Variants in PEPD observed in about 807,000 individuals in gnomAD.
PEPD encodes the protein peptidase D.
Under a neutral mutation model 60.7 loss-of-function variants are expected in PEPD, and 53 were observed. That is an observed-to-expected ratio of 0.87 (90% confidence interval 0.70 to 1.10). The LOEUF (loss-of-function observed/expected upper bound fraction) is 1.10, where lower values mean the gene tolerates loss of function less well. Among genes scored for constraint, PEPD ranks in the 50% least tolerant of loss-of-function variants. The pLI is 0.00. For missense variants in PEPD, 711 were observed against 711.9 expected (o/e 1.00, Z 0.01); for synonymous variants, 267 against 284.1 (o/e 0.94, Z 0.60).
At chr19:33,458,850 G>A (rs1336080129) in intron 9 of PEPD, among the ~76,000 whole-genome samples, 4 of 6,138 alleles carry the variant, frequency 6.5e-4, no homozygotes, top group Admixed American at 1.6e-3. Flanking sequence ...GGTATGTGGT[G>A]TGTATGGTGT....
intron 5 of PEPD, 134 bp downstream of exon 5, chr19:33,493,156 G>A (rs536004870): frequency 1.3e-5 from 9 of 716,552 alleles, no homozygotes; most frequent in Non-Finnish European, 2.0e-5. Flanking sequence ...GATAACAGGC[G>A]TGAGCCCCTG....
intron 11 of PEPD, among the ~76,000 whole-genome samples, chr19:33,409,322 T>C (rs1215295884): frequency 3.3e-5 from 5 of 152,230 alleles, no homozygotes; most frequent in Non-Finnish European, 7.3e-5. Context: ...TGGGTTCCCA[T>C]GTCCTGTCCT....
intron 3 of PEPD, among the ~76,000 whole-genome samples, chr19:33,503,209 G>A (rs1334268508): frequency 1.3e-5 from 2 of 152,158 alleles, no homozygotes; most frequent in Non-Finnish European, 2.9e-5. Context: ...CAGGGCCCAG[G>A]GACGGCTGCA....
chr19:33,454,499 G>A (rs1375957854), intron 9 of PEPD, among the ~76,000 whole-genome samples: 1 of 151,970 alleles, frequency 6.6e-6, no homozygotes, highest in Non-Finnish European at 1.5e-5. Context: ...CTACTCGAGC[G>A]GCTGAAGCAG....
intron 3 of PEPD, among the ~76,000 whole-genome samples, chr19:33,504,485 C>T (rs66761979): frequency 0.12 from 18,853 of 152,258 alleles, 1,564 homozygotes; most frequent in Non-Finnish European, 0.19. Context: ...GACTGGAGGC[C>T]GGGCACCGTG....
chr19:33,491,716 A>G (rs1365077467), intron 5 of PEPD, among the ~76,000 whole-genome samples: 1 of 152,168 alleles, frequency 6.6e-6, no homozygotes, highest in Non-Finnish European at 1.5e-5. Flanking sequence ...AAAGAGGCAA[A>G]GGTAGAGGGG....
In PEPD at chr19:33,463,055, A is replaced by G; in HGVS notation, c.625-14T>C. 6.5e-7 allele frequency: 1 copy of G among 1,543,586 alleles called. No individual in the cohort carries two copies. The highest frequency in any genetic ancestry group is 9.0e-7 in the Non-Finnish European group (1 of 1,115,710). The stretch of plus-strand genomic sequence containing the variant: ...AGCCTTCATTACCTGGAGGACGGAT[A>G]TTAAGCAAAGACATTTGTATTAAGC... On this transcript the variant is annotated splice_polypyrimidine_tract_variant and intron_variant, in intron 8 of 14. Coordinates refer to ENST00000244137, the MANE Select transcript of PEPD (RefSeq NM_000285.4).
At chr19:33,391,580 G>T in intron 12 of PEPD, 101 bp from the exon 13 acceptor site, 1 of 1,106,210 alleles carries the variant, frequency 9.0e-7, no homozygotes, top group South Asian at 1.3e-5. Context: ...GCTGTGGTGG[G>T]AGGGCCTGAG....
intron 9 of PEPD, among the ~76,000 whole-genome samples, chr19:33,437,615 C>T (rs1204330860): frequency 6.6e-6 from 1 of 152,136 alleles, no homozygotes; most frequent in Non-Finnish European, 1.5e-5. Flanking sequence ...TCTGCTGTCA[C>T]AATCGTTTAG....
At chr19:33,445,516 G>A (rs372179730) in intron 9 of PEPD, among the ~76,000 whole-genome samples, 11 of 152,194 alleles carry the variant, frequency 7.2e-5, no homozygotes, top group African/African-American at 2.2e-4. Context: ...CCAGGGATGC[G>A]TGCACACAGA....
At chr19:33,489,097 G>A (rs919131732) in intron 6 of PEPD, among the ~76,000 whole-genome samples, 6 of 152,098 alleles carry the variant, frequency 3.9e-5, no homozygotes, top group African/African-American at 1.4e-4. Flanking sequence ...AGGCTCTCCC[G>A]GGGGCTGTGG....
At chr19:33,448,155 C>T (rs1404938107) in intron 9 of PEPD, among the ~76,000 whole-genome samples, 32 of 152,232 alleles carry the variant, frequency 2.1e-4, no homozygotes, top group Admixed American at 2.1e-3. Flanking sequence ...GAGCGTCTTT[C>T]GCACCAGCAG....
At chr19:33,444,435 G>A (rs12978616) in intron 9 of PEPD, among the ~76,000 whole-genome samples, 6 of 151,998 alleles carry the variant, frequency 3.9e-5, no homozygotes, top group Non-Finnish European at 7.4e-5. Context: ...GCTGTGTCCC[G>A]GTAAGGGGCC....
chr19:33,408,408 C>T (rs990354417), intron 11 of PEPD, among the ~76,000 whole-genome samples: 7 of 152,250 alleles, frequency 4.6e-5, no homozygotes, highest in Non-Finnish European at 1.0e-4. Context: ...GAGAGGGAGG[C>T]AGGGGCTTAC....
At position 33,512,544 on chromosome 19, in the gene PEPD, GCAGCAC is replaced by G. The variant is rs760808068; in HGVS notation, c.201+43_201+48del. 8 of 1,572,788 alleles carry G rather than the reference GCAGCAC, an allele frequency of 5.1e-6. No individual in the cohort carries two copies. The South Asian group carries it at 5.5e-5, about 11-fold the overall frequency. ...GGGCCTCCAACTCCTGCTCAGGACA[GCAGCAC>G]CATCACACACCTGCTCACTTGTGGC... On this transcript the variant is annotated intron_variant, in intron 2 of 14. Transcript: ENST00000244137.
chr19:33,477,213 C>T (rs1970232915), intron 7 of PEPD: 1 of 152,690 alleles, frequency 6.5e-6, no homozygotes, highest in Admixed American at 6.5e-5. Context: ...TCTCCTACTC[C>T]TTCTTTTTCC....
At chr19:33,503,018 A>T (rs1039315841) in intron 3 of PEPD, among the ~76,000 whole-genome samples, 1 of 149,940 alleles carries the variant, frequency 6.7e-6, no homozygotes, top group Admixed American at 6.7e-5. Flanking sequence ...CGGTGGAGGG[A>T]GAGAACCTTG....
At chr19:33,394,802 G>A (rs934569615) in intron 12 of PEPD, among the ~76,000 whole-genome samples, 2 of 152,212 alleles carry the variant, frequency 1.3e-5, no homozygotes, top group African/African-American at 2.4e-5. Context: ...GAATCACACA[G>A]CAGAAATTGG....
intron 7 of PEPD, among the ~76,000 whole-genome samples, chr19:33,469,237 C>A (rs1389347974): frequency 6.6e-6 from 1 of 152,184 alleles, no homozygotes; most frequent in Non-Finnish European, 1.5e-5. Context: ...GACTCCTCAG[C>A]CCTGTGCCCA....
Sources: gnomAD v4.1 joint callset for allele counts (sites outside exome capture counted in the v4.1 genomes callset) on GRCh38, gnomAD v4.1.1 for gene constraint, MANE v1.5 for transcripts, NCBI Gene and HGNC (gene_info 2026-07-23, HGNC 2026-07-21) for gene names.